Variants in HPSE2 observed in about 807,000 individuals in gnomAD.
The protein encoded by HPSE2 is heparanase 2 (inactive), also known as inactive heparanase-2.
In HPSE2, 38 loss-of-function variants were observed where a neutral mutation model predicts 60.5. The ratio of observed to expected loss-of-function variants is 0.63; its 90% CI spans 0.48 to 0.82. HPSE2 has a LOEUF of 0.82. Ranked by LOEUF, HPSE2 falls within the 40% of genes least tolerant of loss-of-function variation. The pLI is 0.00. For synonymous variants in HPSE2, 295 were observed against 293.2 expected (o/e 1.01, Z -0.06); for missense variants, 713 against 740.4 (o/e 0.96, Z 0.43).
chr10:99,018,005 C>T (rs1957180547), intron 3 of HPSE2, among the ~76,000 whole-genome samples: 1 of 152,098 alleles, frequency 6.6e-6, no homozygotes, highest in Admixed American at 6.6e-5. Flanking sequence ...AAAGTAAAAG[C>T]AATATGTACC....
intron 2 of HPSE2, among the ~76,000 whole-genome samples, chr10:99,180,015 A>G (rs1200515608): frequency 6.6e-6 from 1 of 152,228 alleles, no homozygotes; most frequent in Non-Finnish European, 1.5e-5. Flanking sequence ...TGGGGAAAGG[A>G]TGTCCTATTT....
At chr10:99,252,673 G>A in the HPSE2 span, among the ~76,000 whole-genome samples, 2 of 151,984 alleles carry the variant, frequency 1.3e-5, no homozygotes, top group South Asian at 2.1e-4. Flanking sequence ...TCAGGAGATC[G>A]AGACCATCCT....
At chr10:99,135,596 G>T (rs924626166) in intron 3 of HPSE2, among the ~76,000 whole-genome samples, 1 of 152,276 alleles carries the variant, frequency 6.6e-6, no homozygotes, top group Non-Finnish European at 1.5e-5. Flanking sequence ...GCTCCTGAAT[G>T]ACTACTGGGT....
intron 3 of HPSE2, among the ~76,000 whole-genome samples, chr10:99,072,649 G>A (rs999928218): frequency 6.6e-6 from 1 of 152,082 alleles, no homozygotes; most frequent in African/African-American, 2.4e-5. Flanking sequence ...AAGTCAGCCG[G>A]GCATGGCGGC....
chr10:99,070,682 T>C (rs1186732096), intron 3 of HPSE2, among the ~76,000 whole-genome samples: 1 of 152,218 alleles, frequency 6.6e-6, no homozygotes, highest in Non-Finnish European at 1.5e-5. Flanking sequence ...CCCCAGCCTT[T>C]GGCAGCCACA....
At chr10:98,866,893 G>A (rs1217317490) in intron 3 of HPSE2, among the ~76,000 whole-genome samples, 1 of 151,984 alleles carries the variant, frequency 6.6e-6, no homozygotes, top group Non-Finnish European at 1.5e-5. Flanking sequence ...TTGTCCTTAA[G>A]GCAGAATGAA....
At chr10:99,041,532 T>G (rs1957739889) in intron 3 of HPSE2, among the ~76,000 whole-genome samples, 2 of 152,112 alleles carry the variant, frequency 1.3e-5, no homozygotes, top group African/African-American at 4.8e-5. Context: ...TGAACAGAAC[T>G]ACCCACTCAA....
intron 3 of HPSE2, among the ~76,000 whole-genome samples, chr10:99,135,567 C>T (rs1463363147): frequency 1.3e-5 from 2 of 152,136 alleles, no homozygotes; most frequent in African/African-American, 2.4e-5. Context: ...CTCACAACTA[C>T]ATGGAAACTA....
chr10:98,757,154 C>A (rs1241023996), intron 3 of HPSE2, among the ~76,000 whole-genome samples: 4 of 152,024 alleles, frequency 2.6e-5, no homozygotes, highest in African/African-American at 7.2e-5. Context: ...ACATGCTCAA[C>A]AAAGTAGGCA....
intron 6 of HPSE2, among the ~76,000 whole-genome samples, chr10:98,692,399 G>T (rs542399435): frequency 6.6e-6 from 1 of 151,824 alleles, no homozygotes; most frequent in Non-Finnish European, 1.5e-5. Flanking sequence ...TGCTCCAAGT[G>T]CAAAGGAGAG....
At chr10:98,845,630 T>A (rs183898352) in intron 3 of HPSE2, among the ~76,000 whole-genome samples, 2 of 152,340 alleles carry the variant, frequency 1.3e-5, no homozygotes, top group East Asian at 3.9e-4. Context: ...GATGCATAAA[T>A]CCTGTTCTTA....
chr10:99,256,032 G>T, the HPSE2 span, among the ~76,000 whole-genome samples: 2 of 152,042 alleles, frequency 1.3e-5, no homozygotes, highest in African/African-American at 2.4e-5. Flanking sequence ...GACAGTGAAG[G>T]GGGAAGTGCT....
intron 3 of HPSE2, among the ~76,000 whole-genome samples, chr10:98,894,238 G>T (rs1211000594): frequency 6.6e-6 from 1 of 152,026 alleles, no homozygotes; most frequent in Admixed American, 6.6e-5. Context: ...AGTAACAACA[G>T]AAAACAAGGC....
intron 3 of HPSE2, among the ~76,000 whole-genome samples, chr10:99,067,764 C>T (rs1842661404): frequency 6.6e-6 from 1 of 152,184 alleles, no homozygotes; most frequent in South Asian, 2.1e-4. Flanking sequence ...GTCCTGGAGA[C>T]ATTTTCCCCA....
At chr10:98,488,769 C>T (rs1193993278) in intron 10 of HPSE2, among the ~76,000 whole-genome samples, 1 of 152,178 alleles carries the variant, frequency 6.6e-6, no homozygotes, top group Non-Finnish European at 1.5e-5. Flanking sequence ...AGGCCAAGGC[C>T]ATAAAGCAGT....
intron 3 of HPSE2, among the ~76,000 whole-genome samples, chr10:98,789,239 G>A (rs7069491): frequency 2.0e-5 from 3 of 152,162 alleles, no homozygotes; most frequent in Non-Finnish European, 4.4e-5. Flanking sequence ...CAGACCTTAA[G>A]TGGAGAAGTA....
At chr10:98,696,291 A>AC (rs1448417862) in intron 5 of HPSE2, among the ~76,000 whole-genome samples, 1 of 104,058 alleles carries the variant, frequency 9.6e-6, no homozygotes, top group Non-Finnish European at 2.0e-5. Flanking sequence ...AGAGGCTCCC[A>AC]TAAAAAAAAA....
At chr10:98,589,031 A>G (rs920021084) in intron 9 of HPSE2, among the ~76,000 whole-genome samples, 2 of 152,152 alleles carry the variant, frequency 1.3e-5, no homozygotes, top group African/African-American at 4.8e-5. Flanking sequence ...TGATCAATCC[A>G]TGAAATAAAG....
At chr10:99,139,036 T>A (rs895070139) in intron 3 of HPSE2, among the ~76,000 whole-genome samples, 1 of 152,066 alleles carries the variant, frequency 6.6e-6, no homozygotes, top group Non-Finnish European at 1.5e-5. Context: ...GGAACCACCC[T>A]AAGGGCCCAT....
Sources: allele counts gnomAD v4.1 joint callset (sites outside exome capture counted in the v4.1 genomes callset), GRCh38; gene constraint gnomAD v4.1.1; transcripts MANE v1.5; gene names NCBI Gene and HGNC (gene_info 2026-07-23, HGNC 2026-07-21).